Variants in GRIA4 observed in about 807,000 individuals in gnomAD.
GRIA4 encodes glutamate receptor 4.
GRIA4 carries 34 observed loss-of-function variants against 104.0 expected under a neutral mutation model. The ratio of observed to expected loss-of-function variants is 0.33; its 90% confidence interval spans 0.25 to 0.44. GRIA4 has a LOEUF of 0.44. GRIA4 is among the 20% of genes least tolerant of loss of function. The pLI, the probability that GRIA4 is intolerant of heterozygous loss-of-function variation, is 1.00. For synonymous variants in GRIA4, 386 were observed against 381.9 expected (o/e 1.01, Z -0.13); for missense variants, 750 against 1,096.5 (o/e 0.68, Z 4.46).
At chr11:105,831,284 G>A (rs1306181623) in intron 4 of GRIA4, among the ~76,000 whole-genome samples, 1 of 151,944 alleles carries the variant, frequency 6.6e-6, no homozygotes, top group Non-Finnish European at 1.5e-5. Flanking sequence ...GTTCCAAGAA[G>A]GAGTGTTTCA....
intron 3 of GRIA4, among the ~76,000 whole-genome samples, chr11:105,690,828 A>C (rs977516): frequency 0.45 from 67,977 of 151,926 alleles, 15,317 homozygotes; most frequent in East Asian, 0.57. Flanking sequence ...GATTCTGCTC[A>C]CTTTTAATAA....
chr11:105,728,129 C>A (rs571671497), intron 3 of GRIA4, among the ~76,000 whole-genome samples: 5 of 152,276 alleles, frequency 3.3e-5, no homozygotes, highest in African/African-American at 7.2e-5. Context: ...TCAGGAGACC[C>A]ATGTCATGTG....
chr11:105,692,218 T>C (rs2135497405), intron 3 of GRIA4, among the ~76,000 whole-genome samples: 1 of 151,968 alleles, frequency 6.6e-6, no homozygotes, highest in South Asian at 2.1e-4. Context: ...AGATCTGCAT[T>C]AGGCACATTA....
chr11:105,882,794 G>C (rs1946112588), intron 5 of GRIA4, among the ~76,000 whole-genome samples: 1 of 152,156 alleles, frequency 6.6e-6, no homozygotes, highest in East Asian at 1.9e-4. Flanking sequence ...TAGGTAGGAA[G>C]TACTCCATTG....
At chr11:105,769,138 G>T (rs1941091592) in intron 4 of GRIA4, among the ~76,000 whole-genome samples, 1 of 152,096 alleles carries the variant, frequency 6.6e-6, no homozygotes, top group Admixed American at 6.6e-5. Flanking sequence ...ACTAGGTCTT[G>T]GTCTGGCTCT....
chr11:105,890,667 T>C (rs1591403704), intron 6 of GRIA4, among the ~76,000 whole-genome samples: 1 of 152,148 alleles, frequency 6.6e-6, no homozygotes, highest in Non-Finnish European at 1.5e-5. Flanking sequence ...AGAAATCCTT[T>C]CCCTTAATAC....
intron 3 of GRIA4, among the ~76,000 whole-genome samples, chr11:105,641,499 T>C (rs1951358143): frequency 1.3e-5 from 2 of 152,182 alleles, no homozygotes; most frequent in Admixed American, 1.3e-4. Flanking sequence ...GTAAGACATC[T>C]CTGATTTGGA....
At chr11:105,900,401 T>G (rs1449611320) in intron 7 of GRIA4, among the ~76,000 whole-genome samples, 1 of 152,104 alleles carries the variant, frequency 6.6e-6, no homozygotes, top group Non-Finnish European at 1.5e-5. Context: ...CTGCCTCCTT[T>G]CTGATGCTCC....
At chr11:105,750,036 T>A (rs952592633) in intron 3 of GRIA4, among the ~76,000 whole-genome samples, 1 of 152,186 alleles carries the variant, frequency 6.6e-6, no homozygotes, top group Non-Finnish European at 1.5e-5. Flanking sequence ...CATTAATTTG[T>A]TTGAATTTAT....
rs755296433 is a variant in GRIA4, at chr11:105,887,558, A to G, written c.712A>G (p.Ile238Val). 2.4e-5 allele frequency: 34 copies of G among 1,431,652 alleles called. No homozygotes were observed. The highest frequency in any genetic ancestry group is 3.0e-5 in the Non-Finnish European group (31 of 1,022,276). The allele number at this position is 1,431,652 out of a possible 1,614,324, so 88.7% of individuals were successfully genotyped here. ...VGKHVKGYHY[I>V]IANLGFKDIS... is the part of the protein sequence containing the mutation. ...AAAGCATGTTAAAGGCTACCATTAT[A>G]TCATTGCAAACTTGGTAAGAACTTC... The change falls in exon 6 of 17, where the codon ATC (isoleucine) becomes GTC (valine). Residue 238 changes from isoleucine (I) to valine (V), a missense_variant. Physicochemically the swap from Ile to Val is conservative, Grantham distance 29 (BLOSUM62 3). Transcript: ENST00000282499.
chr11:105,688,850 T>C (rs375421527), intron 3 of GRIA4, among the ~76,000 whole-genome samples: 8 of 151,978 alleles, frequency 5.3e-5, no homozygotes, highest in Admixed American at 3.9e-4. Context: ...AGGTAGATGG[T>C]GGTGCTAGGA....
chr11:105,639,128 A>G (rs1951288275), intron 3 of GRIA4, among the ~76,000 whole-genome samples: 1 of 152,120 alleles, frequency 6.6e-6, no homozygotes, highest in Non-Finnish European at 1.5e-5. Context: ...ACTTAATCAC[A>G]TTAACTCCAT....
chr11:105,780,030 T>C (rs1941656432), intron 4 of GRIA4, among the ~76,000 whole-genome samples: 3 of 152,142 alleles, frequency 2.0e-5, no homozygotes, highest in Admixed American at 2.0e-4. Flanking sequence ...TAAATAGTTC[T>C]CAAAGAGATA....
chr11:105,688,146 ATATCTATATCTCTATCTATC>A (rs1952951313), intron 3 of GRIA4, among the ~76,000 whole-genome samples: 1 of 32,570 alleles, frequency 3.1e-5, no homozygotes, highest in South Asian at 1.3e-3. Context: ...ATCTATATCT[ATATCTATATCTCTATCTATC>A]TATCTATCTA....
intron 3 of GRIA4, among the ~76,000 whole-genome samples, chr11:105,665,467 C>A (rs573001740): frequency 3.3e-5 from 5 of 151,822 alleles, no homozygotes; most frequent in African/African-American, 1.2e-4. Flanking sequence ...TAGCGTATCC[C>A]GGAGGTTGCA....
At chr11:105,689,724 T>C (rs1953018227) in intron 3 of GRIA4, among the ~76,000 whole-genome samples, 1 of 151,898 alleles carries the variant, frequency 6.6e-6, no homozygotes, top group Admixed American at 6.6e-5. Context: ...CCTGGTGTAG[T>C]TATAGCTTTA....
chr11:105,700,293 T>G (rs1212973030), intron 3 of GRIA4, among the ~76,000 whole-genome samples: 1 of 152,232 alleles, frequency 6.6e-6, no homozygotes, highest in African/African-American at 2.4e-5. Context: ...GAACCTCAGA[T>G]AGGTGAACAT....
intron 4 of GRIA4, among the ~76,000 whole-genome samples, chr11:105,818,662 T>C (rs947775768): frequency 2.0e-5 from 3 of 152,144 alleles, no homozygotes; most frequent in Admixed American, 1.3e-4. Flanking sequence ...AAATACAACT[T>C]TCACATACTG....
In GRIA4 at chr11:105,859,840, A is replaced by T. The variant is rs575557177; in HGVS notation, c.488-2184A>T. ...AAGCATTCATTTTAAGTCGAAGAAC[A>T]TGTTCATAGGTGTCAAAAAAAGATT... On this transcript the variant is annotated intron_variant, in intron 4 of 16. Transcript: ENST00000282499. Among the ~76,000 whole-genome samples, 19 of 152,308 alleles carry T rather than the reference A, an allele frequency of 1.2e-4. No homozygotes were observed. In the South Asian group the frequency reaches 3.9e-3, roughly 32 times the overall value.
Sources: allele counts gnomAD v4.1 joint callset (sites outside exome capture counted in the v4.1 genomes callset), GRCh38; gene constraint gnomAD v4.1.1; transcripts MANE v1.5; gene names NCBI Gene and HGNC (gene_info 2026-07-23, HGNC 2026-07-21).